Variants in ARNT observed in about 807,000 individuals in gnomAD.
ARNT encodes the protein aryl hydrocarbon receptor nuclear translocator, also known as class E basic helix-loop-helix protein 2.
In ARNT, 30 loss-of-function variants were observed where a neutral mutation model predicts 105.0. The observed-to-expected ratio is 0.29, with a 90% CI of 0.21 to 0.39. The LOEUF (loss-of-function observed/expected upper bound fraction) is 0.39, where lower values mean the gene tolerates loss of function less well. Ranked by LOEUF, ARNT falls within the 10% of genes least tolerant of loss-of-function variation. The pLI, the probability that ARNT is intolerant of heterozygous loss-of-function variation, is 1.00. For synonymous variants in ARNT, 304 were observed against 344.0 expected, an observed-to-expected ratio of 0.88 and a Z score of 1.29; for missense variants, 748 against 978.7, an observed-to-expected ratio of 0.76 and a Z score of 3.15.
chr1:150,820,851 A>G (rs868088883), intron 14 of ARNT, among the ~76,000 whole-genome samples: 1 of 152,188 alleles, frequency 6.6e-6, no homozygotes, highest in Non-Finnish European at 1.5e-5. Flanking sequence ...GAAAATGCCT[A>G]TGTGATATTA....
Position 150,849,893 on chromosome 1 carries a change from C to A in ARNT, c.182+2869G>T, listed in dbSNP as rs937060251. On this transcript the variant is annotated intron_variant, in intron 3 of 21. Coordinates refer to ENST00000358595, the MANE Select transcript of ARNT (RefSeq NM_001668.4). The stretch of plus-strand genomic sequence containing the variant: ...CAGTCTGGCTAACATGGTGAAACCC[C>A]GTCTCTACTAAAAATACAAAAATTA... 3.3e-5 allele frequency among the ~76,000 whole-genome samples: 5 copies of A among 152,054 alleles called. No homozygotes were observed. The Middle Eastern group carries it at 0.014, about 414-fold the overall frequency.
At chr1:150,862,179 G>A (rs866408387) in intron 1 of ARNT, among the ~76,000 whole-genome samples, 3 of 152,024 alleles carry the variant, frequency 2.0e-5, no homozygotes, top group Non-Finnish European at 4.4e-5. Flanking sequence ...GTATAGTTAT[G>A]ACATTCAAAC....
chr1:150,820,925 C>T (rs754504301), intron 14 of ARNT, among the ~76,000 whole-genome samples: 28 of 152,170 alleles, frequency 1.8e-4, no homozygotes, highest in Non-Finnish European at 3.7e-4. Context: ...ATCGAAAATT[C>T]GACTGTAAAC....
chr1:150,828,446 T>C (rs587669048), intron 12 of ARNT, among the ~76,000 whole-genome samples: 1 of 152,034 alleles, frequency 6.6e-6, no homozygotes, highest in Non-Finnish European at 1.5e-5. Context: ...TGCTGAAAAT[T>C]AGTTGACAAG....
chr1:150,844,494 C>T (rs1471489385), intron 4 of ARNT, among the ~76,000 whole-genome samples: 1 of 152,188 alleles, frequency 6.6e-6, no homozygotes, highest in Admixed American at 6.5e-5. Context: ...TTTCTAATCT[C>T]TCTACATCAA....
chr1:150,811,451 T>A lies in ARNT; in HGVS notation c.*570A>T. On this transcript the variant is annotated 3_prime_UTR_variant, in exon 22 of 22. Transcript: ENST00000358595. The stretch of plus-strand genomic sequence containing the variant: ...GGAGAAAGAGTGAAATACAGAAGCA[T>A]GTGTGCGCACACACACACACACACA... The A allele has an allele frequency of 5.8e-6, 1 of 171,298 alleles. No individual in the cohort carries two copies. Among genetic ancestry groups the A allele is most frequent in the African/African-American group, 3.8e-5 (1 of 26,612 alleles). The allele number at this position is 171,298 out of a possible 1,614,324, so 10.6% of individuals were successfully genotyped here. A position where few individuals can be genotyped will look rare whatever the true frequency, so the allele number is the denominator to read the frequency against.
intron 1 of ARNT, among the ~76,000 whole-genome samples, chr1:150,875,462 T>A (rs1241404695): frequency 6.6e-6 from 1 of 152,116 alleles, no homozygotes; most frequent in East Asian, 1.9e-4. Flanking sequence ...GGGTAATCAC[T>A]CCTACTGTTT....
chr1:150,847,884 G>A (rs146564009), intron 3 of ARNT, among the ~76,000 whole-genome samples: 4 of 152,192 alleles, frequency 2.6e-5, no homozygotes, highest in African/African-American at 4.8e-5. Context: ...GCCAAGTCAC[G>A]GTTGTTGTTT....
chr1:150,834,668 G>C, intron 7 of ARNT, 28 bp from the exon 8 acceptor site: 1 of 1,604,602 alleles, frequency 6.2e-7, no homozygotes, highest in South Asian at 1.1e-5. Flanking sequence ...GAGCAGTCTG[G>C]AGTGCATTTT....
chr1:150,819,470 T>G (rs184475995), intron 14 of ARNT, among the ~76,000 whole-genome samples: 3 of 152,358 alleles, frequency 2.0e-5, no homozygotes, highest in Admixed American at 2.0e-4. Flanking sequence ...ATCCCTATTT[T>G]ACATATGGAA....
At chr1:150,854,428 C>A in intron 2 of ARNT, among the ~76,000 whole-genome samples, 1 of 110,700 alleles carries the variant, frequency 9.0e-6, no homozygotes, top group East Asian at 3.1e-4. Flanking sequence ...CATGGTGGCG[C>A]ATGTGTAGTC....
At chr1:150,863,331 G>A (rs587759565) in intron 1 of ARNT, among the ~76,000 whole-genome samples, 1 of 151,888 alleles carries the variant, frequency 6.6e-6, no homozygotes, top group Admixed American at 6.6e-5. Context: ...ACTCCAGCCT[G>A]GGCAACAGAA....
intron 5 of ARNT, among the ~76,000 whole-genome samples, chr1:150,840,945 CTTTTTT>C (rs777444553): frequency 9.6e-6 from 1 of 103,720 alleles, no homozygotes; most frequent in Non-Finnish European, 1.9e-5. Context: ...CTCTCTTCTT[CTTTTTT>C]TTTTTTTTTT....
In ARNT at chr1:150,816,769, A is replaced by T. The variant is rs1655965976; in HGVS notation, c.1802+19T>A. On this transcript the variant is annotated intron_variant, in intron 18 of 21. Transcript: ENST00000358595. ...ATCCCTCAGGGCCCTGTAAAGCAGC[A>T]CATATATACGGGGCTCACCTGAAAT... 6.4e-7 allele frequency: 1 copy of T among 1,559,548 alleles called. No homozygotes were observed. Among genetic ancestry groups the T allele is most frequent in the Non-Finnish European group, 8.6e-7 (1 of 1,160,332 alleles).
rs902315772 is a variant in ARNT, at chr1:150,853,019, G to A, written c.138-213C>T. 11 of 571,370 alleles carry A rather than the reference G, an allele frequency of 1.9e-5. No individual in the cohort carries two copies. The East Asian group carries it at 2.6e-4, about 13-fold the overall frequency. 35.4% of individuals were successfully genotyped at this position (571,370 alleles called of 1,614,324 possible). Reference sequence around the variant, plus strand: ...ACTGGGGCCAGGAGTGGTGGCTCACGCCTGTAATCCCAGCACTTTGGAAGG... The same window carrying A: ...ACTGGGGCCAGGAGTGGTGGCTCACACCTGTAATCCCAGCACTTTGGAAGG... On this transcript the variant is annotated intron_variant, in intron 2 of 21. Transcript: ENST00000358595.
chr1:150,861,329 CAA>C, intron 1 of ARNT: 10 of 365,930 alleles, frequency 2.7e-5, no homozygotes, highest in East Asian at 8.7e-5. Flanking sequence ...GACAACATCG[CAA>C]AAAAAAAATT....
chr1:150,818,094 A>C, intron 14 of ARNT, 64 bp from the exon 15 acceptor site: 5 of 1,110,322 alleles, frequency 4.5e-6, no homozygotes, highest in Non-Finnish European at 5.3e-6. Context: ...GAGAGAGAGA[A>C]AGAGAAGAAT....
At chr1:150,848,944 C>G (rs1044003913) in intron 3 of ARNT, among the ~76,000 whole-genome samples, 6 of 152,136 alleles carry the variant, frequency 3.9e-5, no homozygotes, top group Non-Finnish European at 5.9e-5. Context: ...TGGCTCATGC[C>G]TATAATCCCA....
chr1:150,818,080 G>T (rs764292322), intron 14 of ARNT, 50 bp from the exon 15 acceptor site: 3 of 1,195,338 alleles, frequency 2.5e-6, no homozygotes, highest in South Asian at 2.6e-5. Flanking sequence ...GGAGGAAGGG[G>T]GGAGAGAGAG....
Sources: gnomAD v4.1 joint callset for allele counts (sites outside exome capture counted in the v4.1 genomes callset) on GRCh38, gnomAD v4.1.1 for gene constraint, MANE v1.5 for transcripts, NCBI Gene and HGNC (gene_info 2026-07-23, HGNC 2026-07-21) for gene names.